FBN1: variants seen among roughly 807,000 people sequenced by gnomAD.
The protein encoded by FBN1 is fibrillin-1.
Under a neutral mutation model 365.1 loss-of-function variants are expected in FBN1, and 29 were observed. The observed-to-expected ratio is 0.08, with a 90% CI of 0.06 to 0.11. The LOEUF (loss-of-function observed/expected upper bound fraction) is 0.11, where lower values mean the gene tolerates loss of function less well. Among genes scored for constraint, FBN1 ranks in the 10% least tolerant of loss-of-function variants. The probability of loss-of-function intolerance (pLI) is 1.00; values close to 1 mark genes in which losing one functional copy is unlikely to be tolerated. For missense variants in FBN1, 2,476 were observed against 3,703.2 expected (o/e 0.67, Z 8.60); for synonymous variants, 1,210 against 1,270.5 (o/e 0.95, Z 1.01).
At chr15:48,514,141 CCA>C (rs2043783408) in intron 12 of FBN1, among the ~76,000 whole-genome samples, 1 of 152,302 alleles carries the variant, frequency 6.6e-6, no homozygotes, top group African/African-American at 2.4e-5. Flanking sequence ...TTCTCAATCA[CCA>C]CAGAGTCTCC....
chr15:48,584,161 T>C (rs1041667972), intron 6 of FBN1, among the ~76,000 whole-genome samples: 2 of 152,206 alleles, frequency 1.3e-5, no homozygotes, highest in Non-Finnish European at 2.9e-5. Flanking sequence ...TGCCAGATCC[T>C]GTGCTAAGTA....
At chr15:48,523,710 TG>T (rs537924722) in intron 9 of FBN1, among the ~76,000 whole-genome samples, 2,177 of 81,416 alleles carry the variant, frequency 0.027, 98 homozygotes, top group African/African-American at 0.065. Flanking sequence ...CAAGGGTGGC[TG>T]GGGGGGGGGG....
chr15:48,505,561 C>T (rs1468671315), intron 15 of FBN1, among the ~76,000 whole-genome samples: 1 of 152,190 alleles, frequency 6.6e-6, no homozygotes, highest in Non-Finnish European at 1.5e-5. Flanking sequence ...GTATTCATCA[C>T]CCAGACTGGC....
chr15:48,627,032 C>T (rs1253727079), intron 2 of FBN1, among the ~76,000 whole-genome samples: 1 of 152,036 alleles, frequency 6.6e-6, no homozygotes, highest in Non-Finnish European at 1.5e-5. Flanking sequence ...GTCATAAATC[C>T]CTAATTAAAA....
At chr15:48,480,693 G>T (rs929621057) in intron 32 of FBN1, among the ~76,000 whole-genome samples, 2 of 152,062 alleles carry the variant, frequency 1.3e-5, no homozygotes, top group Admixed American at 6.6e-5. Context: ...TAATTAAGAG[G>T]AGGATCTGCA....
intron 4 of FBN1, among the ~76,000 whole-genome samples, chr15:48,606,344 A>G (rs974860050): frequency 2.0e-4 from 31 of 152,330 alleles, no homozygotes; most frequent in African/African-American, 7.2e-4. Flanking sequence ...GATGCCCTTC[A>G]ATAGGTGAAT....
chr15:48,592,070 T>C (rs2044481358), intron 6 of FBN1, among the ~76,000 whole-genome samples: 1 of 152,226 alleles, frequency 6.6e-6, no homozygotes, highest in Non-Finnish European at 1.5e-5. Context: ...ACACTGCAAG[T>C]ACTCAGTACA....
In FBN1 at chr15:48,489,951, C is replaced by T. The variant is rs758745637; in HGVS notation, c.2982G>A (p.Glu994=). Residue 994 remains glutamate (E), a synonymous_variant, in exon 25 of 66, where the codon GAG becomes GAA. Coordinates refer to ENST00000316623, the MANE Select transcript of FBN1 (RefSeq NM_000138.5). ...VGAAWGTEEC[E]ECPMRNTPEY... Reference sequence around the variant, plus strand: ...CAGGAGTATTTCTCATGGGACACTCCTCGCATTCCTCAGTACCCCAGGCTG... The same window carrying T: ...CAGGAGTATTTCTCATGGGACACTCTTCGCATTCCTCAGTACCCCAGGCTG... The T allele has an allele frequency of 3.1e-6, 5 of 1,614,172 alleles. No individual in the cohort carries two copies. Among genetic ancestry groups the T allele is most frequent in the African/African-American group, 1.3e-5 (1 of 75,036 alleles).
intron 58 of FBN1, among the ~76,000 whole-genome samples, chr15:48,426,842 TA>T (rs993974420): frequency 2.0e-5 from 3 of 152,174 alleles, no homozygotes; most frequent in African/African-American, 7.2e-5. Context: ...TCTTTTTTTT[TA>T]AATCACATCC....
chr15:48,472,793 A>G (rs1566906030), intron 34 of FBN1, 117 bp from the exon 35 acceptor site: 3 of 1,392,984 alleles, frequency 2.2e-6, no homozygotes, highest in Non-Finnish European at 3.0e-6. Context: ...TGACACATTT[A>G]AAGTCATTTA....
At chr15:48,582,900 C>T (rs1396158007) in intron 6 of FBN1, among the ~76,000 whole-genome samples, 2 of 152,160 alleles carry the variant, frequency 1.3e-5, no homozygotes, top group Non-Finnish European at 1.5e-5. Flanking sequence ...ATAAGAAGAG[C>T]TCTCTCATCT....
At chr15:48,438,796 T>C (rs1000602162) in intron 50 of FBN1, among the ~76,000 whole-genome samples, 6 of 152,178 alleles carry the variant, frequency 3.9e-5, no homozygotes, top group Non-Finnish European at 7.4e-5. Context: ...GAAACGGGCT[T>C]TTCCATTTCT....
At chr15:48,516,063 C>A (rs1037526733) in intron 11 of FBN1, 120 bp downstream of exon 11, 1 of 1,056,590 alleles carries the variant, frequency 9.5e-7, no homozygotes, top group Admixed American at 2.0e-5. Flanking sequence ...TTATGTAAAC[C>A]AAAAATTAAT....
rs1292701713 is a variant in FBN1, at chr15:48,492,387, C to T, written c.2854+74G>A. On this transcript the variant is annotated intron_variant, in intron 24 of 65. Coordinates refer to ENST00000316623, the MANE Select transcript of FBN1 (RefSeq NM_000138.5). ...TCTGTACCTGAAGCTAAGTGCTCAG[C>T]TATATCTTGTTAACTTCATTTTTAA... 13 of 1,478,314 alleles carry T rather than the reference C, an allele frequency of 8.8e-6. No individual in the cohort carries two copies. In the African/African-American group the frequency reaches 1.8e-4, roughly 21 times the overall value. The allele number at this position is 1,478,314 out of a possible 1,614,324, so 91.6% of individuals were successfully genotyped here.
chr15:48,543,421 C>T (rs1037048161), intron 6 of FBN1, among the ~76,000 whole-genome samples: 10 of 152,218 alleles, frequency 6.6e-5, no homozygotes, highest in South Asian at 4.1e-4. Context: ...TGCACTATCA[C>T]GGAGATCGTC....
chr15:48,564,254 A>T (rs2044244134), intron 6 of FBN1, among the ~76,000 whole-genome samples: 1 of 152,190 alleles, frequency 6.6e-6, no homozygotes, highest in African/African-American at 2.4e-5. Context: ...CACCACCCTG[A>T]CTATTCAACA....
chr15:48,496,566 C>A (rs1232509367), intron 19 of FBN1, among the ~76,000 whole-genome samples: 1 of 151,896 alleles, frequency 6.6e-6, no homozygotes, highest in African/African-American at 2.4e-5. Flanking sequence ...TAATTTAATT[C>A]ATTTTGTCGA....
At chr15:48,530,674 A>G (rs561599863) in intron 8 of FBN1, among the ~76,000 whole-genome samples, 1 of 152,270 alleles carries the variant, frequency 6.6e-6, no homozygotes, top group South Asian at 2.1e-4. Context: ...TAGTGGGTTA[A>G]GCCGCCCCGG....
At chr15:48,595,842 T>G (rs758759784) in intron 6 of FBN1, among the ~76,000 whole-genome samples, 11 of 152,214 alleles carry the variant, frequency 7.2e-5, no homozygotes, top group Non-Finnish European at 1.2e-4. Context: ...CTTGTACACC[T>G]CTACAGCCCC....
Sources: allele counts gnomAD v4.1 joint callset (sites outside exome capture counted in the v4.1 genomes callset), GRCh38; gene constraint gnomAD v4.1.1; transcripts MANE v1.5; gene names NCBI Gene and HGNC (gene_info 2026-07-23, HGNC 2026-07-21).